The following KIF1B variants were observed in gnomAD, a reference collection of about 807,000 sequenced individuals.
KIF1B encodes kinesin family member 1B, also known as kinesin-like protein KIF1B.
A neutral mutation model predicts 241.9 loss-of-function variants in KIF1B; 76 were observed. That is an observed-to-expected ratio of 0.31 (90% CI 0.26 to 0.38). KIF1B has a LOEUF of 0.38. KIF1B is among the 10% of genes least tolerant of loss of function. The pLI is 1.00. For missense variants in KIF1B, 1,622 were observed against 2,271.4 expected, an observed-to-expected ratio of 0.71 and a Z score of 5.81; for synonymous variants, 750 against 796.7, an observed-to-expected ratio of 0.94 and a Z score of 0.99.
At chr1:10,215,135 A>ATT (rs1309083681) in intron 1 of KIF1B, among the ~76,000 whole-genome samples, 27 of 92,524 alleles carry the variant, frequency 2.9e-4, no homozygotes, top group Non-Finnish European at 4.6e-4. Flanking sequence ...AAATTTATAT[A>ATT]TTTTATATAT....
rs1021614997 is a variant in KIF1B at position 10,282,211 on chromosome 1, C to A, written c.1223-111C>A. The A allele has an allele frequency of 7.2e-6, 6 of 827,840 alleles. 1 individual carries two copies. The South Asian group carries it at 8.0e-5, about 11-fold the overall frequency. The allele number at this position is 827,840 out of a possible 1,614,324, so 51.3% of individuals were successfully genotyped here. A position where few individuals can be genotyped will look rare whatever the true frequency, so the allele number is the denominator to read the frequency against. ...GTATTATAGCGTGTCTTGGTCTTGG[C>A]GCTTTAATGCTGTCCTTTCTTACAA... On this transcript the variant is annotated intron_variant, in intron 14 of 48. Transcript: ENST00000676179.
intron 15 of KIF1B, among the ~76,000 whole-genome samples, chr1:10,288,129 G>GA (rs577593547): frequency 1.1e-4 from 17 of 151,520 alleles, no homozygotes; most frequent in African/African-American, 3.9e-4. Flanking sequence ...GGGAGGAAAA[G>GA]AAAAAAAAGG....
intron 10 of KIF1B, 74 bp from the exon 11 acceptor site, chr1:10,275,354 T>C (rs1649042844): frequency 3.7e-6 from 3 of 803,846 alleles, no homozygotes; most frequent in Non-Finnish European, 6.7e-6. Flanking sequence ...TTGGGAATTT[T>C]AGACTGATTT....
At chr1:10,220,103 G>A (rs1230495868) in intron 1 of KIF1B, among the ~76,000 whole-genome samples, 3 of 151,538 alleles carry the variant, frequency 2.0e-5, no homozygotes, top group Non-Finnish European at 4.4e-5. Flanking sequence ...TCGGGAGGCT[G>A]AAGTAGGAGA....
chr1:10,252,909 G>A (rs957120240), intron 2 of KIF1B, among the ~76,000 whole-genome samples: 13 of 152,018 alleles, frequency 8.6e-5, no homozygotes, highest in Non-Finnish European at 4.4e-5. Context: ...ATTTTTAACA[G>A]AGATGGGGTT....
intron 22 of KIF1B, among the ~76,000 whole-genome samples, chr1:10,312,153 A>T (rs1360889406): frequency 6.6e-6 from 1 of 151,404 alleles, no homozygotes; most frequent in African/African-American, 2.5e-5. Context: ...CTGACATCCA[A>T]ATCACTGGCA....
At chr1:10,352,872 C>A (rs184227201) in intron 38 of KIF1B, 136 bp downstream of exon 38, 50 of 678,084 alleles carry the variant, frequency 7.4e-5, no homozygotes, top group Non-Finnish European at 1.3e-4. Context: ...CTTCAAAAAT[C>A]TCTTTATTTC....
chr1:10,308,660 TG>T (rs1650941859), intron 22 of KIF1B: 9 of 1,000,720 alleles, frequency 9.0e-6, no homozygotes, highest in Non-Finnish European at 1.1e-5. Context: ...TAACTAAACC[TG>T]GTTTTGACTT....
chr1:10,255,783 C>T (rs536171552), intron 2 of KIF1B, among the ~76,000 whole-genome samples: 53 of 152,196 alleles, frequency 3.5e-4, no homozygotes, highest in Non-Finnish European at 6.3e-4. Flanking sequence ...CCTCTTAAAA[C>T]TATGATTGTT....
chr1:10,243,616 G>T lies in KIF1B; in HGVS notation c.106+11182G>T, dbSNP rs141424572. Among the ~76,000 whole-genome samples, 617 of 152,248 alleles carry T rather than the reference G, an allele frequency of 4.1e-3. 6 individuals carry two copies. The highest frequency in any genetic ancestry group is 0.014 in the African/African-American group (584 of 41,536). On this transcript the variant is annotated intron_variant, in intron 2 of 48. Coordinates refer to ENST00000676179, the MANE Select transcript of KIF1B (RefSeq NM_001365951.3). ...AGAGGTATTATTGGCTGTCTTGCCT[G>T]GGCTCACATATCTATTAATTGAGGG...
intron 17 of KIF1B, among the ~76,000 whole-genome samples, chr1:10,293,931 C>T (rs143272188): frequency 6.6e-6 from 1 of 152,276 alleles, no homozygotes; most frequent in Non-Finnish European, 1.5e-5. Flanking sequence ...TTCTGAGATT[C>T]CATTTTTCAA....
intron 22 of KIF1B, among the ~76,000 whole-genome samples, chr1:10,300,694 G>C (rs974625160): frequency 2.6e-5 from 4 of 152,118 alleles, no homozygotes; most frequent in Non-Finnish European, 5.9e-5. Context: ...ATTTGTTTAT[G>C]TTCTGTAAAA....
At chr1:10,258,739 GTTATTT>G (rs1647941982) in intron 4 of KIF1B, 67 bp downstream of exon 4, 1 of 1,502,374 alleles carries the variant, frequency 6.7e-7, no homozygotes, top group African/African-American at 1.4e-5. Context: ...TGCTTTAACA[GTTATTT>G]TTATTTGGCG....
At chr1:10,358,577 G>GGA (rs1188124984) in intron 38 of KIF1B, among the ~76,000 whole-genome samples, 1 of 151,940 alleles carries the variant, frequency 6.6e-6, no homozygotes, top group African/African-American at 2.4e-5. Context: ...GCAGACCTCT[G>GGA]GAGGCTGAGG....
intron 34 of KIF1B, among the ~76,000 whole-genome samples, chr1:10,343,712 T>G (rs1192941529): frequency 6.6e-6 from 1 of 152,082 alleles, no homozygotes; most frequent in Non-Finnish European, 1.5e-5. Context: ...GAGCTGAGAT[T>G]GCACCTTTGC....
intron 48 of KIF1B, among the ~76,000 whole-genome samples, chr1:10,375,782 T>C (rs1010326375): frequency 7.1e-6 from 1 of 140,404 alleles, no homozygotes; most frequent in African/African-American, 2.8e-5. Flanking sequence ...TTTTTTCTTT[T>C]CTTGTTTTTT....
At chr1:10,351,096 G>C (rs1408891966) in intron 37 of KIF1B, among the ~76,000 whole-genome samples, 1 of 147,384 alleles carries the variant, frequency 6.8e-6, no homozygotes. Flanking sequence ...AAAAAGAATC[G>C]TTGGAAGGGA....
intron 22 of KIF1B, 65 bp downstream of exon 22, chr1:10,297,311 C>A: frequency 1.4e-6 from 2 of 1,424,052 alleles, no homozygotes; most frequent in South Asian, 1.1e-5. Flanking sequence ...TTTCCCTGTT[C>A]CACAGAGCAG....
Position 10,374,319 on chromosome 1 carries a change from C to T in KIF1B, c.4950C>T (p.Thr1650=). The T allele has an allele frequency of 6.2e-7, 1 of 1,613,864 alleles. No homozygotes were observed. Among genetic ancestry groups the T allele is most frequent in the Non-Finnish European group, 8.5e-7 (1 of 1,179,842 alleles). Residue 1650 remains threonine, a synonymous_variant, in exon 46 of 49, where the codon ACC becomes ACT. Transcript: ENST00000676179. The surrounding 1 kb of genome is among the most constrained non-coding windows in gnomAD (Gnocchi z 4.3). ...TTCTAATCTCTCTATTTTAAAGGAC[C>T]CCAGAAGCCAATTCCCGGGCCTCTA... ...DSRSNSLDQK[T]PEANSRASSP...
Sources: gnomAD v4.1 joint callset for allele counts (sites outside exome capture counted in the v4.1 genomes callset) on GRCh38, gnomAD v4.1.1 for gene constraint, Gnocchi (gnomAD v3.1) non-coding constraint, MANE v1.5 for transcripts, NCBI Gene and HGNC (gene_info 2026-07-23, HGNC 2026-07-21) for gene names.